Variants in ANAPC15 observed in about 807,000 individuals in gnomAD.
ANAPC15 encodes the protein anaphase promoting complex subunit 15.
In ANAPC15, 13 loss-of-function variants were observed where a neutral mutation model predicts 19.8. The observed-to-expected ratio is 0.66, with a 90% CI of 0.43 to 1.04. The LOEUF (loss-of-function observed/expected upper bound fraction) is 1.04, where lower values mean the gene tolerates loss of function less well. Ranked by LOEUF, ANAPC15 falls within the 50% of genes least tolerant of loss-of-function variation. ANAPC15 has a pLI of 0.00. For missense variants in ANAPC15, 88 were observed against 150.3 expected (o/e 0.59, Z 2.17); for synonymous variants, 45 against 50.7 (o/e 0.89, Z 0.47).
chr11:72,108,237 T>C (rs1945913769), downstream of ANAPC15: 1 of 883,608 alleles, frequency 1.1e-6, no homozygotes, highest in African/African-American at 1.7e-5. Context: ...GGGACTGTGA[T>C]GCTGGATGGT....
rs1423125342 is a variant in ANAPC15, at chr11:72,110,945, CTCT to C, written c.120+209_120+211del. Among the ~76,000 whole-genome samples, 5 of 152,334 alleles carry C rather than the reference CTCT, an allele frequency of 3.3e-5. No individual in the cohort carries two copies. The East Asian group carries it at 9.6e-4, about 29-fold the overall frequency. On this transcript the variant is annotated intron_variant, in intron 3 of 5. Coordinates refer to ENST00000227618, the MANE Select transcript of ANAPC15 (RefSeq NM_014042.3). ...TTGGGCTGAGTGTCAGCAGCCTGGG[CTCT>C]AATCTGGCCCAGAAGTCACATGGTA...
At chr11:72,107,933 G>A, downstream of ANAPC15, 1 of 1,551,782 alleles carries the variant, frequency 6.4e-7, no homozygotes, top group Non-Finnish European at 8.7e-7. Context: ...GTCAGATCCT[G>A]ATGCGGCTGG....
chr11:72,107,722 T>G (rs1239737237), downstream of ANAPC15: 2 of 625,740 alleles, frequency 3.2e-6, no homozygotes, highest in Admixed American at 5.6e-5. Flanking sequence ...TCAGATTTGT[T>G]GGAAAGATTC....
In ANAPC15 at chr11:72,111,424, C is replaced by A; in HGVS notation, c.-23G>T. 1 of 648,874 alleles carries A rather than the reference C, an allele frequency of 1.5e-6. No individual in the cohort carries two copies. The highest frequency in any genetic ancestry group is 1.8e-5 in the South Asian group (1 of 54,912). The allele number at this position is 648,874 out of a possible 1,614,324, so 40.2% of individuals were successfully genotyped here. On this transcript the variant is annotated 5_prime_UTR_variant, in exon 2 of 6. Coordinates refer to ENST00000227618, the MANE Select transcript of ANAPC15 (RefSeq NM_014042.3). ...GAATCAGACAGACCTGGCTTTGAGT[C>A]CTGGCTCCACCACTTACTAGCTGTT...
At chr11:72,112,610 A>C (rs1313279950) in intron 1 of ANAPC15, 40 bp downstream of exon 1, 1 of 451,334 alleles carries the variant, frequency 2.2e-6, no homozygotes, top group Non-Finnish European at 4.4e-6. Flanking sequence ...AAAGGAATGA[A>C]GGGGCAAGGA....
downstream of ANAPC15, chr11:72,108,989 A>C: frequency 2.2e-6 from 3 of 1,361,714 alleles, no homozygotes; most frequent in Non-Finnish European, 2.9e-6. Flanking sequence ...GGACCTCAAA[A>C]TCCCCTCCCT....
chr11:72,110,519 G>A, intron 4 of ANAPC15, 25 bp downstream of exon 4: 2 of 1,614,016 alleles, frequency 1.2e-6, no homozygotes, highest in South Asian at 2.2e-5. Context: ...CCCCCACACA[G>A]GCCCCACCTG....
intron 3 of ANAPC15, 132 bp downstream of exon 3, chr11:72,111,025 A>C (rs1946723287): frequency 1.4e-6 from 1 of 701,280 alleles, no homozygotes. Context: ...CCTGGCTCCC[A>C]GCCCGATTAT....
At chr11:72,111,134 TG>T (rs111730218) in intron 3 of ANAPC15, 22 bp downstream of exon 3, 21 of 1,485,290 alleles carry the variant, frequency 1.4e-5, no homozygotes, top group South Asian at 3.4e-5. Flanking sequence ...GAGGTCTCTG[TG>T]CTGTGCTAGC....
chr11:72,108,383 C>T (rs1022392755), downstream of ANAPC15, among the ~76,000 whole-genome samples: 2 of 152,192 alleles, frequency 1.3e-5, no homozygotes, highest in African/African-American at 4.8e-5. Flanking sequence ...TTGTTAGCTA[C>T]GTGACCTTGA....
rs1051415901 is a variant in ANAPC15 at position 72,110,075 on chromosome 11, AC to A, written c.318+12del. 1 of 1,613,336 alleles carries A rather than the reference AC, an allele frequency of 6.2e-7. No homozygotes were observed. The highest frequency in any genetic ancestry group is 8.5e-7 in the Non-Finnish European group (1 of 1,179,880). Reference sequence around the variant, plus strand: ...TCCAGGAACAGAGGCCCTCCCCCATACCCCTTGCCTACCTCATTGACCTCTC... The same window carrying A: ...TCCAGGAACAGAGGCCCTCCCCCATACCCTTGCCTACCTCATTGACCTCTC... On this transcript the variant is annotated intron_variant, in intron 5 of 5. Coordinates refer to ENST00000227618, the MANE Select transcript of ANAPC15 (RefSeq NM_014042.3).
downstream of ANAPC15, chr11:72,108,815 T>C (rs1301578382): frequency 1.3e-6 from 2 of 1,550,628 alleles, no homozygotes; most frequent in Non-Finnish European, 1.7e-6. Context: ...CTTCTTGCAG[T>C]ATGCTAAGAG....
chr11:72,107,244 G>A (rs754901195), downstream of ANAPC15: 43 of 591,016 alleles, frequency 7.3e-5, no homozygotes, highest in African/African-American at 7.9e-4. Context: ...TCCAGCCTGG[G>A]CAACACAGCA....
At position 72,109,870 on chromosome 11, in the gene ANAPC15, G is replaced by GC. The variant is rs1266209880; in HGVS notation, c.*10dup. ...CCTGGAATCTCCCTGAGGCCACCCT[G>GC]CCTTGTCTACCTAGATCATCCACTG... is the stretch of plus-strand genomic sequence containing the variant. On this transcript the variant is annotated 3_prime_UTR_variant, in exon 6 of 6. Coordinates refer to ENST00000227618, the MANE Select transcript of ANAPC15 (RefSeq NM_014042.3). The GC allele has an allele frequency of 6.2e-7, 1 of 1,613,238 alleles. No individual in the cohort carries two copies. Among genetic ancestry groups the GC allele is most frequent in the Non-Finnish European group, 8.5e-7 (1 of 1,180,018 alleles).
downstream of ANAPC15, chr11:72,108,779 C>T (rs1445403617): frequency 6.4e-7 from 1 of 1,550,508 alleles, no homozygotes; most frequent in East Asian, 2.4e-5. Context: ...GCTGGCTGAC[C>T]ATGTGCTCTT....
At chr11:72,110,942 G>A (rs1946694510) in intron 3 of ANAPC15, among the ~76,000 whole-genome samples, 1 of 152,232 alleles carries the variant, frequency 6.6e-6, no homozygotes, top group Non-Finnish European at 1.5e-5. Flanking sequence ...TCAGCAGCCT[G>A]GGCTCTAATC....
intron 5 of ANAPC15, 30 bp from the exon 6 acceptor site, chr11:72,109,958 G>C: frequency 1.2e-6 from 2 of 1,613,994 alleles, no homozygotes; most frequent in Non-Finnish European, 8.5e-7. Context: ...TGGGTGGGGA[G>C]GGGCCTCAGC....
At chr11:72,108,963 ACC>A, downstream of ANAPC15, 1 of 1,290,744 alleles carries the variant, frequency 7.7e-7, no homozygotes, top group Non-Finnish European at 9.9e-7. Context: ...GCCCACCCCC[ACC>A]CCCACCCAAG....
intron 4 of ANAPC15, 100 bp downstream of exon 4, chr11:72,110,444 A>C (rs894406121): frequency 1.2e-5 from 19 of 1,562,846 alleles, no homozygotes; most frequent in Non-Finnish European, 1.6e-5. Context: ...AGATCTGAGA[A>C]CCACAACTGC....
Sources: allele counts gnomAD v4.1 joint callset (sites outside exome capture counted in the v4.1 genomes callset), GRCh38; gene constraint gnomAD v4.1.1; transcripts MANE v1.5; gene names NCBI Gene and HGNC (gene_info 2026-07-23, HGNC 2026-07-21).